Variants in PARVB observed in about 807,000 individuals in gnomAD.
The protein encoded by PARVB is parvin beta.
Under a neutral mutation model 47.0 loss-of-function variants are expected in PARVB, and 46 were observed. The ratio of observed to expected loss-of-function variants is 0.98; its 90% confidence interval spans 0.77 to 1.25. The LOEUF (loss-of-function observed/expected upper bound fraction) is 1.25. Ranked by LOEUF, PARVB falls within the 50% of genes most tolerant of loss-of-function variation. PARVB has a pLI of 0.00. For missense variants in PARVB, 473 were observed against 471.6 expected, an observed-to-expected ratio of 1.00 and a Z score of -0.03; for synonymous variants, 196 against 196.3, an observed-to-expected ratio of 1.00 and a Z score of 0.01.
intron 3 of PARVB, chr22:44,111,877 G>C (rs756989487): frequency 6.6e-6 from 1 of 151,928 alleles, no homozygotes; most frequent in Non-Finnish European, 1.5e-5. Context: ...GGTGGAAGAG[G>C]CTCTGTCACT....
chr22:44,122,173 G>T (rs2053062171), intron 4 of PARVB, among the ~76,000 whole-genome samples: 1 of 152,104 alleles, frequency 6.6e-6, no homozygotes, highest in African/African-American at 2.4e-5. Context: ...TGCTTCAAAA[G>T]TCAAAACTAT....
At chr22:44,147,069 G>A (rs1233004803) in intron 8 of PARVB, 1 of 158,504 alleles carries the variant, frequency 6.3e-6, no homozygotes, top group African/African-American at 2.4e-5. Context: ...CATGGCAGCA[G>A]GAGCAAAGGC....
chr22:44,033,918 C>T (rs1414141784), intron 1 of PARVB, among the ~76,000 whole-genome samples: 1 of 152,070 alleles, frequency 6.6e-6, no homozygotes. Flanking sequence ...TCTCAAGTTA[C>T]TCCAGACTCC....
At chr22:44,087,263 G>T (rs2052045611) in intron 1 of PARVB, among the ~76,000 whole-genome samples, 1 of 152,220 alleles carries the variant, frequency 6.6e-6, no homozygotes, top group Admixed American at 6.5e-5. Context: ...TGAAAACCAG[G>T]AATTGCACGG....
At chr22:44,050,246 G>A (rs2051183777) in intron 1 of PARVB, among the ~76,000 whole-genome samples, 1 of 152,076 alleles carries the variant, frequency 6.6e-6, no homozygotes, top group African/African-American at 2.4e-5. Context: ...GCAAGGATTG[G>A]CAAACAGAAT....
chr22:44,163,736 T>A, intron 11 of PARVB, 122 bp from the exon 12 acceptor site: 1 of 775,262 alleles, frequency 1.3e-6, no homozygotes. Context: ...GCTCACTGGG[T>A]CCTTGTGGAC....
At chr22:44,026,449 G>A in intron 1 of PARVB, 1 of 631,208 alleles carries the variant, frequency 1.6e-6, no homozygotes, top group Non-Finnish European at 2.0e-6. Flanking sequence ...ACCCTCCTTG[G>A]ATCTAGGCAC....
chr22:44,127,453 T>G (rs1261932291), intron 4 of PARVB, among the ~76,000 whole-genome samples: 1 of 152,224 alleles, frequency 6.6e-6, no homozygotes, highest in East Asian at 1.9e-4. Context: ...ATGACACTGA[T>G]GTAGGCATTC....
chr22:44,158,800 A>G (rs2053991212), intron 11 of PARVB, among the ~76,000 whole-genome samples: 1 of 152,310 alleles, frequency 6.6e-6, no homozygotes, highest in East Asian at 1.9e-4. Context: ...TTGGCCATGG[A>G]TGGTCTATGT....
chr22:44,111,193 C>G (rs1381022704), intron 3 of PARVB: 1 of 151,880 alleles, frequency 6.6e-6, no homozygotes, highest in Non-Finnish European at 1.5e-5. Context: ...TAAATTAGAG[C>G]TGGAATTGCC....
At chr22:44,007,576 T>G (rs1024287654) in intron 2 of PARVB, among the ~76,000 whole-genome samples, 2 of 152,246 alleles carry the variant, frequency 1.3e-5, no homozygotes, top group Non-Finnish European at 2.9e-5. Flanking sequence ...CGAGAAAGTT[T>G]TAGAGGCTTT....
chr22:44,056,035 C>T (rs1411041170), intron 1 of PARVB, among the ~76,000 whole-genome samples: 2 of 152,232 alleles, frequency 1.3e-5, no homozygotes, highest in African/African-American at 4.8e-5. Context: ...GTCAGCAGGC[C>T]CTGCCCCACT....
At chr22:44,035,172 T>C (rs1175663750) in intron 1 of PARVB, among the ~76,000 whole-genome samples, 1 of 152,150 alleles carries the variant, frequency 6.6e-6, no homozygotes, top group Non-Finnish European at 1.5e-5. Context: ...AAAATGTTAT[T>C]AGGAAAATCA....
chr22:44,053,844 A>G (rs2051256107), intron 1 of PARVB, among the ~76,000 whole-genome samples: 1 of 152,264 alleles, frequency 6.6e-6, no homozygotes, highest in Non-Finnish European at 1.5e-5. Flanking sequence ...ATGAGGAGAT[A>G]CATAGGGTGA....
chr22:44,156,746 A>G (rs1447235497), intron 10 of PARVB, among the ~76,000 whole-genome samples: 1 of 152,242 alleles, frequency 6.6e-6, no homozygotes, highest in South Asian at 2.1e-4. Flanking sequence ...AATTAATTAA[A>G]GAGAAAGGTT....
At position 44,065,906 on chromosome 22, in the gene PARVB, C is replaced by T. The variant is rs2051513496; in HGVS notation, c.113-28022C>T. On this transcript the variant is annotated intron_variant, in intron 1 of 12. Coordinates refer to ENST00000338758, the MANE Select transcript of PARVB (RefSeq NM_013327.5). ...ATACACTGAAATTTCTTTATCCACT[C>T]ATTGATTGATGGGCATTTGATTGGT... Among the ~76,000 whole-genome samples the T allele has an allele frequency of 2.0e-5, 3 of 151,736 alleles. No individual in the cohort carries two copies. In the South Asian group the frequency reaches 6.2e-4, roughly 31 times the overall value.
intron 1 of PARVB, among the ~76,000 whole-genome samples, chr22:44,059,092 C>A (rs997138032): frequency 6.3e-5 from 8 of 126,518 alleles, no homozygotes; most frequent in African/African-American, 2.4e-4. Flanking sequence ...GTTGCCCAGG[C>A]TGGAGTGCAG....
At chr22:44,101,357 C>T (rs910020087) in intron 3 of PARVB, among the ~76,000 whole-genome samples, 29 of 151,808 alleles carry the variant, frequency 1.9e-4, no homozygotes, top group African/African-American at 7.0e-4. Flanking sequence ...CTGCAGTGAG[C>T]CGAGATCGCG....
At chr22:44,013,115 C>T (rs926226154) in intron 2 of PARVB, among the ~76,000 whole-genome samples, 3 of 152,094 alleles carry the variant, frequency 2.0e-5, no homozygotes, top group Non-Finnish European at 4.4e-5. Context: ...CCAGGCTGAT[C>T]TCAAACTCTT....
Sources: gnomAD v4.1 joint callset for allele counts (sites outside exome capture counted in the v4.1 genomes callset) on GRCh38, gnomAD v4.1.1 for gene constraint, MANE v1.5 for transcripts, NCBI Gene and HGNC (gene_info 2026-07-23, HGNC 2026-07-21) for gene names.